Variants in RAP1A observed in about 807,000 individuals in gnomAD.
RAP1A encodes the protein ras-related protein Rap-1A.
In RAP1A, 6 loss-of-function variants were observed where a neutral mutation model predicts 26.4. That is an observed-to-expected ratio of 0.23 (90% CI 0.12 to 0.45). The LOEUF (loss-of-function observed/expected upper bound fraction) is 0.45, where lower values mean the gene tolerates loss of function less well. Ranked by LOEUF, RAP1A falls within the 20% of genes least tolerant of loss-of-function variation. The pLI, the probability that RAP1A is intolerant of heterozygous loss-of-function variation, is 0.99. For missense variants in RAP1A, 121 were observed against 217.2 expected (o/e 0.56, Z 2.78); for synonymous variants, 73 against 79.4 (o/e 0.92, Z 0.43).
chr1:111,658,457 A>G (rs1660533666), intron 1 of RAP1A, among the ~76,000 whole-genome samples: 1 of 152,176 alleles, frequency 6.6e-6, no homozygotes, highest in Admixed American at 6.5e-5. Flanking sequence ...CTTAAAACAC[A>G]AACACATTGT....
intron 4 of RAP1A, 58 bp from the exon 5 acceptor site, chr1:111,703,278 T>C: frequency 8.6e-7 from 1 of 1,167,628 alleles, no homozygotes; most frequent in East Asian, 2.8e-5. Context: ...TTTTAAATTG[T>C]TGCAGTATAC....
At chr1:111,552,570 T>C (rs1302453743) in intron 1 of RAP1A, among the ~76,000 whole-genome samples, 1 of 152,194 alleles carries the variant, frequency 6.6e-6, no homozygotes, top group Non-Finnish European at 1.5e-5. Flanking sequence ...TTTTATCCAC[T>C]ATATCCAGAA....
chr1:111,682,088 C>G (rs1196870210), intron 1 of RAP1A, among the ~76,000 whole-genome samples: 1 of 152,136 alleles, frequency 6.6e-6, no homozygotes, highest in African/African-American at 2.4e-5. Flanking sequence ...CATATCCAGC[C>G]AAACTAAGCT....
At chr1:111,686,855 C>A (rs536080723) in intron 1 of RAP1A, among the ~76,000 whole-genome samples, 3 of 151,794 alleles carry the variant, frequency 2.0e-5, no homozygotes, top group Admixed American at 6.6e-5. Context: ...ATTTTTATAT[C>A]TATATATCTT....
intron 1 of RAP1A, among the ~76,000 whole-genome samples, chr1:111,683,214 C>G (rs749256170): frequency 1.8e-4 from 27 of 152,108 alleles, no homozygotes; most frequent in Non-Finnish European, 3.4e-4. Flanking sequence ...GAGGAGAAAG[C>G]AGGAAAGATC....
chr1:111,699,156 A>G (rs1661934392), intron 4 of RAP1A, among the ~76,000 whole-genome samples: 2 of 152,048 alleles, frequency 1.3e-5, no homozygotes, highest in Admixed American at 6.5e-5. Context: ...ACAGCTGCAT[A>G]ATCTTGTCTC....
At position 111,601,052 on chromosome 1, in the gene RAP1A, ACAG is replaced by A. The variant is rs1169359769; in HGVS notation, c.-28+58547_-28+58549del. Among the ~76,000 whole-genome samples the A allele has an allele frequency of 4.6e-5, 7 of 152,312 alleles. No homozygotes were observed. The East Asian group carries it at 1.4e-3, about 29-fold the overall frequency. On this transcript the variant is annotated intron_variant, in intron 1 of 7. Transcript: ENST00000356415. Reference sequence around the variant, plus strand: ...CATCTGGCTTACTCCCCTCTCCATAACAGCAGAATGTGGGATTTCCAAGACCTT... The same window carrying A: ...CATCTGGCTTACTCCCCTCTCCATAACAGAATGTGGGATTTCCAAGACCTT...
At chr1:111,635,776 G>T (rs938432824) in intron 1 of RAP1A, among the ~76,000 whole-genome samples, 4 of 151,972 alleles carry the variant, frequency 2.6e-5, no homozygotes, top group Non-Finnish European at 5.9e-5. Context: ...ATGTTGACCA[G>T]GCTGGTCTTG....
chr1:111,696,369 A>C (rs1195976624), intron 3 of RAP1A, among the ~76,000 whole-genome samples: 1 of 152,222 alleles, frequency 6.6e-6, no homozygotes, highest in Non-Finnish European at 1.5e-5. Flanking sequence ...CTACTAGTAG[A>C]GCAGTTTCAT....
At chr1:111,694,119 C>G (rs899603430) in intron 2 of RAP1A, among the ~76,000 whole-genome samples, 2 of 152,098 alleles carry the variant, frequency 1.3e-5, no homozygotes, top group Non-Finnish European at 2.9e-5. Context: ...AATTCCTGAG[C>G]TCAAGCAATC....
chr1:111,708,864 T>C (rs1218890570), intron 6 of RAP1A, among the ~76,000 whole-genome samples: 2 of 152,206 alleles, frequency 1.3e-5, no homozygotes, highest in East Asian at 3.8e-4. Context: ...GTACTATTTT[T>C]GCAACTTTTC....
intron 1 of RAP1A, among the ~76,000 whole-genome samples, chr1:111,557,000 T>C (rs2101042502): frequency 6.6e-6 from 1 of 152,188 alleles, no homozygotes; most frequent in East Asian, 1.9e-4. Flanking sequence ...GATGCAAATA[T>C]TCAACTTAAG....
chr1:111,670,737 G>T (rs1660947238), intron 1 of RAP1A, among the ~76,000 whole-genome samples: 3 of 152,180 alleles, frequency 2.0e-5, no homozygotes. Context: ...AATGAAAAAG[G>T]AGATATAACT....
At chr1:111,560,054 C>T (rs1429358964) in intron 1 of RAP1A, among the ~76,000 whole-genome samples, 2 of 152,168 alleles carry the variant, frequency 1.3e-5, no homozygotes, top group African/African-American at 4.8e-5. Flanking sequence ...TCATTCAACA[C>T]TCTTTTACTG....
At chr1:111,628,566 A>G (rs965690686) in intron 1 of RAP1A, among the ~76,000 whole-genome samples, 9 of 152,240 alleles carry the variant, frequency 5.9e-5, no homozygotes, top group African/African-American at 2.2e-4. Context: ...AAAAGCATTC[A>G]TCGAAAAGCA....
At chr1:111,659,322 T>C (rs1372999883) in intron 1 of RAP1A, among the ~76,000 whole-genome samples, 1 of 152,190 alleles carries the variant, frequency 6.6e-6, no homozygotes, top group East Asian at 1.9e-4. Context: ...TATACTTTAT[T>C]AAAAGTTATG....
intron 1 of RAP1A, chr1:111,648,264 A>T (rs995899513): frequency 6.9e-6 from 6 of 866,728 alleles, no homozygotes; most frequent in South Asian, 1.4e-5. Flanking sequence ...CTGCTCCCCA[A>T]AGGGTACCCT....
intron 6 of RAP1A, among the ~76,000 whole-genome samples, chr1:111,708,315 C>T (rs1662265731): frequency 6.6e-6 from 1 of 152,206 alleles, no homozygotes; most frequent in Non-Finnish European, 1.5e-5. Context: ...CATGTGATAC[C>T]TTGAAAGGGA....
intron 1 of RAP1A, chr1:111,608,524 C>T (rs1210418163): frequency 2.4e-5 from 4 of 165,504 alleles, no homozygotes; most frequent in South Asian, 2.3e-4. Context: ...GCTGCAATCT[C>T]GGCACTTAGG....
Sources: allele counts gnomAD v4.1 joint callset (sites outside exome capture counted in the v4.1 genomes callset), GRCh38; gene constraint gnomAD v4.1.1; transcripts MANE v1.5; gene names NCBI Gene and HGNC (gene_info 2026-07-23, HGNC 2026-07-21).